Variants in MIS18A observed in about 807,000 individuals in gnomAD.
MIS18A encodes the protein MIS18 kinetochore protein A.
In MIS18A, 14 loss-of-function variants were observed where a neutral mutation model predicts 25.0. That is an observed-to-expected ratio of 0.56 (90% CI 0.37 to 0.88). MIS18A has a LOEUF of 0.88. MIS18A is among the 40% of genes least tolerant of loss of function. The probability of loss-of-function intolerance (pLI) is 0.00; values close to 1 mark genes in which losing one functional copy is unlikely to be tolerated. For missense variants in MIS18A, 292 were observed against 290.8 expected, an observed-to-expected ratio of 1.00 and a Z score of -0.03; for synonymous variants, 134 against 118.6, an observed-to-expected ratio of 1.13 and a Z score of -0.84.
At chr21:32,249,951 T>C in the MIS18A span, among the ~76,000 whole-genome samples, 2 of 152,146 alleles carry the variant, frequency 1.3e-5, no homozygotes, top group Non-Finnish European at 2.9e-5. Flanking sequence ...TCAACCACTC[T>C]GTGAGGGAGG....
the MIS18A span, among the ~76,000 whole-genome samples, chr21:32,231,202 C>T: frequency 6.7e-6 from 1 of 149,154 alleles, no homozygotes; most frequent in Non-Finnish European, 1.5e-5. Flanking sequence ...CAGCACTGCA[C>T]TCCAGCCTAG....
chr21:32,188,003 G>GTCTCTCTCTCTCTC, the MIS18A span, among the ~76,000 whole-genome samples: 9,489 of 150,026 alleles, frequency 0.063, 328 homozygotes, highest in South Asian at 0.081. Flanking sequence ...CTCCCTTTCT[G>GTCTCTCTCTCTCTC]TCTCTCTCTC....
At chr21:32,244,548 G>A in the MIS18A span, among the ~76,000 whole-genome samples, 23 of 152,232 alleles carry the variant, frequency 1.5e-4, no homozygotes, top group Non-Finnish European at 2.6e-4. Flanking sequence ...ATCTGCCTGG[G>A]CAACATAGTG....
chr21:32,214,035 T>G, the MIS18A span, among the ~76,000 whole-genome samples: 2 of 152,170 alleles, frequency 1.3e-5, no homozygotes, highest in African/African-American at 4.8e-5. Context: ...TCTCTCTTCA[T>G]TCCATTTCCC....
the MIS18A span, among the ~76,000 whole-genome samples, chr21:32,232,955 T>A: frequency 2.6e-5 from 4 of 152,232 alleles, no homozygotes; most frequent in African/African-American, 2.4e-5. Flanking sequence ...AATGGGAACC[T>A]GAAAATGATC....
the MIS18A span, among the ~76,000 whole-genome samples, chr21:32,253,659 T>G: frequency 6.6e-6 from 1 of 152,226 alleles, no homozygotes; most frequent in East Asian, 1.9e-4. Flanking sequence ...CAAGGGTTAC[T>G]TCCCCCTCCA....
At chr21:32,165,117 T>C in the MIS18A span, among the ~76,000 whole-genome samples, 61 of 152,290 alleles carry the variant, frequency 4.0e-4, no homozygotes, top group African/African-American at 1.3e-3. Context: ...GCGGATCACC[T>C]GAGGTTGGGA....
At chr21:32,232,393 TATATATCTTTATATTAC>T in the MIS18A span, among the ~76,000 whole-genome samples, 13 of 150,856 alleles carry the variant, frequency 8.6e-5, no homozygotes, top group Admixed American at 1.3e-4. Context: ...AGATACACAT[TATATATCTTTATATTAC>T]ATATATCTTT....
In MIS18A at chr21:32,270,528, C is replaced by T. The variant is rs573480187; in HGVS notation, c.403G>A (p.Val135Ile). The change falls in exon 3 of 5, where the codon GTC (valine) becomes ATC (isoleucine). Residue 135 changes from valine to isoleucine, a missense_variant and splice_region_variant. Transcript: ENST00000290130. Reference sequence around the variant, plus strand: ...CCCGCGCAGCACAAAGTCTCAAGGACGCTGCAATAAAGAAATGTCTTGCTT... The same window carrying T: ...CCCGCGCAGCACAAAGTCTCAAGGATGCTGCAATAAAGAAATGTCTTGCTT... ...LSKREKENGC[V>I]LETLCCAGCS... The T allele has an allele frequency of 6.7e-5, 103 of 1,547,526 alleles. 1 individual carries two copies. In the South Asian group the frequency reaches 1.0e-3, roughly 15 times the overall value.
the MIS18A span, among the ~76,000 whole-genome samples, chr21:32,228,789 T>TA: frequency 6.6e-6 from 1 of 152,192 alleles, no homozygotes; most frequent in Middle Eastern, 3.4e-3. Flanking sequence ...TGCTTAGGAG[T>TA]AAATTTAACA....
At chr21:32,264,094 G>A (rs911027640), downstream of MIS18A, among the ~76,000 whole-genome samples, 1 of 151,834 alleles carries the variant, frequency 6.6e-6, no homozygotes, top group African/African-American at 2.4e-5. Flanking sequence ...TTTAAATATG[G>A]TTCTCATCCT....
the MIS18A span, among the ~76,000 whole-genome samples, chr21:32,183,947 A>T: frequency 5.3e-5 from 8 of 152,216 alleles, no homozygotes; most frequent in Non-Finnish European, 1.0e-4. Context: ...TACCATCCTT[A>T]AAGGGGCTGT....
the MIS18A span, among the ~76,000 whole-genome samples, chr21:32,254,407 T>C: frequency 6.6e-6 from 1 of 151,624 alleles, no homozygotes; most frequent in Non-Finnish European, 1.5e-5. Context: ...GGCAGGCACC[T>C]GTAATCCCAG....
At chr21:32,248,535 T>C in the MIS18A span, among the ~76,000 whole-genome samples, 1 of 152,212 alleles carries the variant, frequency 6.6e-6, no homozygotes, top group Non-Finnish European at 1.5e-5. Context: ...AAAACATAGA[T>C]AAATACGCTG....
the MIS18A span, among the ~76,000 whole-genome samples, chr21:32,258,572 T>C: frequency 2.0e-5 from 3 of 152,214 alleles, no homozygotes; most frequent in East Asian, 5.8e-4. Context: ...AAAGTCCGAC[T>C]CACAGCCTGA....
the MIS18A span, among the ~76,000 whole-genome samples, chr21:32,171,929 G>C: frequency 6.6e-6 from 1 of 151,978 alleles, no homozygotes; most frequent in Non-Finnish European, 1.5e-5. Flanking sequence ...CCCTATATTG[G>C]TCTATGGAAC....
intron 4 of MIS18A, 90 bp from the exon 5 acceptor site, chr21:32,269,207 G>T: frequency 1.1e-6 from 1 of 947,936 alleles, no homozygotes; most frequent in Non-Finnish European, 1.6e-6. Flanking sequence ...TACACTTAAT[G>T]CAATTTTGGA....
chr21:32,216,068 C>T, the MIS18A span, among the ~76,000 whole-genome samples: 5,375 of 152,078 alleles, frequency 0.035, 327 homozygotes, highest in African/African-American at 0.12. Flanking sequence ...GCAACAAAAA[C>T]ACTAACCAAA....
chr21:32,267,852 G>C (rs1435334315), downstream of MIS18A, among the ~76,000 whole-genome samples: 4 of 152,234 alleles, frequency 2.6e-5, no homozygotes, highest in Non-Finnish European at 1.5e-5. Flanking sequence ...TAGTGGGAGA[G>C]TAGCCTGCGA....
Sources: gnomAD v4.1 joint callset for allele counts (sites outside exome capture counted in the v4.1 genomes callset) on GRCh38, gnomAD v4.1.1 for gene constraint, MANE v1.5 for transcripts, NCBI Gene and HGNC (gene_info 2026-07-23, HGNC 2026-07-21) for gene names.